The following SEMA6A variants were observed in gnomAD, a reference collection of about 807,000 sequenced individuals.
SEMA6A encodes the protein semaphorin 6A, also known as semaphorin-6A.
In SEMA6A, 25 loss-of-function variants were observed where a neutral mutation model predicts 96.8. The observed-to-expected ratio is 0.26, with a 90% CI of 0.19 to 0.36. SEMA6A has a LOEUF of 0.36. Among genes scored for constraint, SEMA6A ranks in the 10% least tolerant of loss-of-function variants. The pLI, the probability that SEMA6A is intolerant of heterozygous loss-of-function variation, is 1.00. For missense variants in SEMA6A, 1,363 were observed against 1,323.1 expected (o/e 1.03, Z -0.47); for synonymous variants, 612 against 518.0 (o/e 1.18, Z -2.46).
At chr5:116,506,658 A>T (rs142543978) in intron 1 of SEMA6A, among the ~76,000 whole-genome samples, 29 of 144,012 alleles carry the variant, frequency 2.0e-4, no homozygotes, top group African/African-American at 7.2e-4. Context: ...CAGCTGTTAG[A>T]TTTTAGGAGA....
At chr5:116,536,739 G>A (rs757285858) in intron 1 of SEMA6A, among the ~76,000 whole-genome samples, 1 of 152,062 alleles carries the variant, frequency 6.6e-6, no homozygotes, top group Non-Finnish European at 1.5e-5. Context: ...ATAGCTCCAT[G>A]TGCCGTGTTC....
chr5:116,570,685 C>T (rs1050458203), intron 1 of SEMA6A, among the ~76,000 whole-genome samples: 1 of 152,190 alleles, frequency 6.6e-6, no homozygotes, highest in Non-Finnish European at 1.5e-5. Context: ...AAACTTTCAT[C>T]CCATCATCAC....
chr5:116,559,466 AC>A (rs1325955128), intron 1 of SEMA6A, among the ~76,000 whole-genome samples: 6 of 151,450 alleles, frequency 4.0e-5, no homozygotes, highest in African/African-American at 1.5e-4. Context: ...AGACTATAAA[AC>A]CCCTGCCCCA....
At chr5:116,483,068 C>T (rs959184065) in intron 10 of SEMA6A, among the ~76,000 whole-genome samples, 1 of 152,114 alleles carries the variant, frequency 6.6e-6, no homozygotes, top group African/African-American at 2.4e-5. Flanking sequence ...GTGGGGAAAC[C>T]CACACAAATT....
At chr5:116,483,480 A>G (rs1296042583) in intron 10 of SEMA6A, among the ~76,000 whole-genome samples, 1 of 152,226 alleles carries the variant, frequency 6.6e-6, no homozygotes, top group African/African-American at 2.4e-5. Flanking sequence ...GGTGCCCTGC[A>G]GTGTGGGAAC....
At chr5:116,562,686 A>C (rs1580520701) in intron 1 of SEMA6A, 1 of 719,734 alleles carries the variant, frequency 1.4e-6, no homozygotes, top group East Asian at 2.8e-5. Flanking sequence ...ACTTTTGTCC[A>C]TGTCACTGAT....
chr5:116,526,446 T>C (rs1318035398), intron 1 of SEMA6A, among the ~76,000 whole-genome samples: 1 of 152,180 alleles, frequency 6.6e-6, no homozygotes, highest in African/African-American at 2.4e-5. Context: ...TTAGTGAACC[T>C]GGCAAGGGCA....
chr5:116,496,275 T>A lies in SEMA6A; in HGVS notation c.318A>T (p.Thr106=), dbSNP rs1371903025. ...TWKSRQADVD[T]CRMKGKHKDE... ...CCTTATGTTTTCCCTTCATTCTGCA[T>A]GTGTCTACATCGGCCTGTCTAGATT... is the stretch of plus-strand genomic sequence containing the variant. Residue 106 remains threonine, a synonymous_variant, in exon 5 of 19, where the codon ACA becomes ACT. Coordinates refer to ENST00000343348, the MANE Select transcript of SEMA6A (RefSeq NM_020796.5). 1.2e-6 allele frequency: 2 copies of A among 1,613,582 alleles called. No homozygotes were observed. The highest frequency in any genetic ancestry group is 1.3e-5 in the African/African-American group (1 of 74,802).
intron 1 of SEMA6A, among the ~76,000 whole-genome samples, chr5:116,570,641 G>T (rs1761175458): frequency 6.6e-6 from 1 of 152,192 alleles, no homozygotes. Flanking sequence ...AAGATGGAGA[G>T]ACTATATTAG....
chr5:116,497,668 A>C (rs1406346846), intron 3 of SEMA6A, among the ~76,000 whole-genome samples: 1 of 152,218 alleles, frequency 6.6e-6, no homozygotes, highest in African/African-American at 2.4e-5. Context: ...GCATATATGT[A>C]GCTCAGAAGG....
chr5:116,508,713 G>A (rs1758260558), intron 1 of SEMA6A, among the ~76,000 whole-genome samples: 1 of 152,190 alleles, frequency 6.6e-6, no homozygotes, highest in African/African-American at 2.4e-5. Context: ...GGCTTTGCTA[G>A]TCCAAGACCC....
At chr5:116,563,047 A>G (rs559465932) in intron 1 of SEMA6A, 129 of 439,450 alleles carry the variant, frequency 2.9e-4, no homozygotes, top group South Asian at 2.2e-3. Context: ...TTTTGTTAAT[A>G]AATTCCCTTC....
chr5:116,562,693 T>G (rs945525437), intron 1 of SEMA6A: 2 of 723,498 alleles, frequency 2.8e-6, no homozygotes, highest in Non-Finnish European at 5.2e-6. Context: ...TCCATGTCAC[T>G]GATCTTTCTG....
In SEMA6A at chr5:116,473,075, T is replaced by TTCA; in HGVS notation, c.1724_1726dup (p.Leu575_Asn576insMet). 1 of 1,595,036 alleles carries TTCA rather than the reference T, an allele frequency of 6.3e-7. No individual in the cohort carries two copies. Among genetic ancestry groups the TTCA allele is most frequent in the South Asian group, 1.1e-5 (1 of 87,482 alleles). On this transcript the variant is annotated inframe_insertion, in exon 17 of 19. Transcript: ENST00000343348. ...TATGAGAGTAATATCTTCCTTACCA[T>TTCA]TCAGTGCCACAAAGGAATCTGAAAG...
intron 10 of SEMA6A, among the ~76,000 whole-genome samples, chr5:116,483,646 T>C (rs1254295619): frequency 6.6e-6 from 1 of 152,030 alleles, no homozygotes; most frequent in Non-Finnish European, 1.5e-5. Context: ...TGCTTAATAA[T>C]AATTGCTTAA....
intron 1 of SEMA6A, among the ~76,000 whole-genome samples, chr5:116,519,540 C>G (rs1758830035): frequency 6.6e-6 from 1 of 152,096 alleles, no homozygotes; most frequent in Admixed American, 6.5e-5. Context: ...CTAATATGTG[C>G]AGGCAAGGCA....
chr5:116,458,420 G>A (rs1755152469), intron 18 of SEMA6A, among the ~76,000 whole-genome samples: 2 of 152,098 alleles, frequency 1.3e-5, no homozygotes. Context: ...AAGAGACTGA[G>A]GGAAAAGGGT....
intron 11 of SEMA6A, 38 bp from the exon 12 acceptor site, chr5:116,480,315 T>G: frequency 6.2e-7 from 1 of 1,609,490 alleles, no homozygotes; most frequent in Non-Finnish European, 8.5e-7. Flanking sequence ...AGGGAGCTTA[T>G]TTTCTGCCTT....
At chr5:116,472,734 A>G in intron 17 of SEMA6A, 1 of 593,702 alleles carries the variant, frequency 1.7e-6, no homozygotes, top group South Asian at 2.7e-5. Context: ...TAATTTTTGA[A>G]GGACGGTGAA....
Sources: gnomAD v4.1 joint callset for allele counts (sites outside exome capture counted in the v4.1 genomes callset) on GRCh38, gnomAD v4.1.1 for gene constraint, MANE v1.5 for transcripts, NCBI Gene and HGNC (gene_info 2026-07-23, HGNC 2026-07-21) for gene names.